The following TGFB2 variants were observed in gnomAD, a reference collection of about 807,000 sequenced individuals.
TGFB2 encodes transforming growth factor beta 2.
TGFB2 carries 13 observed loss-of-function variants against 42.7 expected under a neutral mutation model. That is an observed-to-expected ratio of 0.30 (90% CI 0.20 to 0.48). TGFB2 has a LOEUF of 0.48. Among genes scored for constraint, TGFB2 ranks in the 20% least tolerant of loss-of-function variants. TGFB2 has a pLI of 0.99. For synonymous variants in TGFB2, 193 were observed against 193.6 expected, an observed-to-expected ratio of 1.00 and a Z score of 0.03; for missense variants, 390 against 517.5, an observed-to-expected ratio of 0.75 and a Z score of 2.39.
intron 1 of TGFB2, among the ~76,000 whole-genome samples, chr1:218,365,897 C>T (rs761826894): frequency 1.3e-5 from 2 of 152,136 alleles, no homozygotes; most frequent in African/African-American, 2.4e-5. Flanking sequence ...CTGAAGTGAG[C>T]GTGAGGCCTG....
chr1:218,356,071 G>A (rs1362549846), intron 1 of TGFB2, among the ~76,000 whole-genome samples: 1 of 152,176 alleles, frequency 6.6e-6, no homozygotes, highest in Non-Finnish European at 1.5e-5. Context: ...ATGAATGTTA[G>A]GAGCCCATCT....
At chr1:218,401,654 G>C (rs914532711) in intron 1 of TGFB2, among the ~76,000 whole-genome samples, 2 of 152,234 alleles carry the variant, frequency 1.3e-5, no homozygotes, top group Non-Finnish European at 2.9e-5. Context: ...ATAGGAACTG[G>C]GATGCGCATT....
chr1:218,428,749 T>C (rs1659709323), intron 2 of TGFB2, among the ~76,000 whole-genome samples: 1 of 152,158 alleles, frequency 6.6e-6, no homozygotes, highest in Admixed American at 6.5e-5. Flanking sequence ...CCTTGTAGTA[T>C]AGTTTGAAGT....
chr1:218,363,517 G>A, intron 1 of TGFB2: 1 of 1,220,564 alleles, frequency 8.2e-7, no homozygotes, highest in Non-Finnish European at 1.2e-6. Flanking sequence ...GGCAAGATGA[G>A]ATTCTGAAAT....
intron 1 of TGFB2, among the ~76,000 whole-genome samples, chr1:218,352,105 C>T (rs1247108431): frequency 6.6e-6 from 1 of 151,988 alleles, no homozygotes; most frequent in Admixed American, 6.6e-5. Flanking sequence ...AGCCCGCCTC[C>T]CCCTGCCCCT....
chr1:218,418,619 A>C (rs929540510), intron 2 of TGFB2, among the ~76,000 whole-genome samples: 1 of 152,156 alleles, frequency 6.6e-6, no homozygotes, highest in African/African-American at 2.4e-5. Flanking sequence ...GGGCTGGGGC[A>C]GAATGGTATG....
intron 1 of TGFB2, among the ~76,000 whole-genome samples, chr1:218,384,999 T>C (rs1191634910): frequency 6.6e-6 from 1 of 152,180 alleles, no homozygotes; most frequent in Non-Finnish European, 1.5e-5. Context: ...AGATGGCTCG[T>C]ATTATTATAT....
intron 5 of TGFB2, 22 bp from the exon 6 acceptor site, chr1:218,437,321 T>C (rs573457610): frequency 1.1e-3 from 65 of 60,736 alleles, no homozygotes; most frequent in Middle Eastern, 5.6e-3. Context: ...TCTCCATTGC[T>C]TTTTTTTTTT....
intron 1 of TGFB2, among the ~76,000 whole-genome samples, chr1:218,381,258 GTTTT>G (rs11405199): frequency 2.3e-4 from 31 of 137,740 alleles, no homozygotes; most frequent in African/African-American, 7.0e-4. Context: ...TTTTGTTTTT[GTTTT>G]TTTTTTTTTT....
chr1:218,378,729 C>A (rs1160623442), intron 1 of TGFB2, among the ~76,000 whole-genome samples: 12 of 151,866 alleles, frequency 7.9e-5, no homozygotes, highest in Non-Finnish European at 1.5e-5. Context: ...GCCTCAACCT[C>A]CTAGAGCGCT....
rs572607915 is a variant in TGFB2, at chr1:218,414,021, A to G, written c.510+8689A>G. Among the ~76,000 whole-genome samples, 15 of 152,308 alleles carry G rather than the reference A, an allele frequency of 9.8e-5. No homozygotes were observed. In the South Asian group the frequency reaches 1.5e-3, roughly 15 times the overall value. On this transcript the variant is annotated intron_variant, in intron 2 of 6. Transcript: ENST00000366930. ...GAATCATCAGCTACCTTTACTGGAC[A>G]TTGCATATGTAACATCTCTGCAACA...
At chr1:218,439,699 C>T (rs1249568659) in intron 6 of TGFB2, among the ~76,000 whole-genome samples, 2 of 152,286 alleles carry the variant, frequency 1.3e-5, no homozygotes, top group South Asian at 2.1e-4. Flanking sequence ...AGGCTGCCTC[C>T]TCTGGGCTGC....
Position 218,436,127 on chromosome 1 carries a change from G to A in TGFB2, c.912G>A (p.Leu304=). The A allele has an allele frequency of 6.2e-7, 1 of 1,612,752 alleles. No individual in the cohort carries two copies. Among genetic ancestry groups the A allele is most frequent in the Non-Finnish European group, 8.5e-7 (1 of 1,179,578 alleles). Residue 304 remains leucine, a synonymous_variant, in exon 5 of 7, where the codon TTG becomes TTA. Coordinates refer to ENST00000366930, the MANE Select transcript of TGFB2 (RefSeq NM_003238.6). ...QQTNRRKKRA[L]DAAYCFRNVQ... is the part of the protein sequence containing the mutation. ...CCAACCGGCGGAAGAAGCGTGCTTTGGATGCGGCCTATTGCTTTAGGTAAA... is the reference window on the plus strand; with the variant it reads ...CCAACCGGCGGAAGAAGCGTGCTTTAGATGCGGCCTATTGCTTTAGGTAAA...
intron 4 of TGFB2, among the ~76,000 whole-genome samples, chr1:218,435,199 C>G (rs965394805): frequency 6.6e-6 from 1 of 152,174 alleles, no homozygotes; most frequent in Admixed American, 6.5e-5. Context: ...CCTAACATCA[C>G]CCAGGACCTC....
At chr1:218,381,258 G>GTTTTTTTTTTTT (rs11405199) in intron 1 of TGFB2, among the ~76,000 whole-genome samples, 5 of 137,744 alleles carry the variant, frequency 3.6e-5, no homozygotes, top group Non-Finnish European at 1.6e-5. Context: ...TTTTGTTTTT[G>GTTTTTTTTTTTT]TTTTTTTTTT....
At chr1:218,398,708 C>T (rs1158502286) in intron 1 of TGFB2, among the ~76,000 whole-genome samples, 1 of 152,090 alleles carries the variant, frequency 6.6e-6, no homozygotes, top group African/African-American at 2.4e-5. Flanking sequence ...CTATCTCAGC[C>T]TCCCGAGTAG....
chr1:218,421,561 G>T (rs1659456471), intron 2 of TGFB2, among the ~76,000 whole-genome samples: 1 of 151,872 alleles, frequency 6.6e-6, no homozygotes, highest in South Asian at 2.1e-4. Context: ...TGCTTTGAAG[G>T]AGCTCATAGT....
Position 218,346,441 on chromosome 1 carries a change from C to G in TGFB2, c.-261C>G, listed in dbSNP as rs1013564457. ...TGCTCCAAGAATTTTTTTCTTCTTA[C>G]TCGCCAAAGTCAGGGTTCCCTCTGC... is the stretch of plus-strand genomic sequence containing the variant. On this transcript the variant is annotated 5_prime_UTR_variant, in exon 1 of 7. Transcript: ENST00000366930. The surrounding 1 kb of genome is among the most constrained non-coding windows in gnomAD (Gnocchi z 4.9). 2.7e-6 allele frequency: 1 copy of G among 375,730 alleles called. No individual in the cohort carries two copies. The highest frequency in any genetic ancestry group is 4.7e-6 in the Non-Finnish European group (1 of 214,082). 23.3% of individuals were successfully genotyped at this position (375,730 alleles called of 1,614,324 possible).
intron 1 of TGFB2, among the ~76,000 whole-genome samples, chr1:218,370,134 C>T (rs1657524591): frequency 6.6e-6 from 1 of 152,156 alleles, no homozygotes; most frequent in African/African-American, 2.4e-5. Context: ...AAACAAAAAG[C>T]CAACCCTGTG....
Sources: allele counts gnomAD v4.1 joint callset (sites outside exome capture counted in the v4.1 genomes callset), GRCh38; gene constraint gnomAD v4.1.1; non-coding constraint Gnocchi (gnomAD v3.1); transcripts MANE v1.5; gene names NCBI Gene and HGNC (gene_info 2026-07-23, HGNC 2026-07-21).